USH2A: variants seen among roughly 807,000 people sequenced by gnomAD.
USH2A encodes the protein Usher syndrome 2A (autosomal recessive, mild).
USH2A carries 443 observed loss-of-function variants against 538.9 expected under a neutral mutation model. The ratio of observed to expected loss-of-function variants is 0.82; its 90% confidence interval spans 0.76 to 0.89. The LOEUF is 0.89. Ranked by LOEUF, USH2A falls within the 40% of genes least tolerant of loss-of-function variation. The pLI is 0.00. For missense variants in USH2A, 6,633 were observed against 6,324.8 expected, an observed-to-expected ratio of 1.05 and a Z score of -1.65; for synonymous variants, 2,413 against 2,273.5, an observed-to-expected ratio of 1.06 and a Z score of -1.75.
intron 38 of USH2A, among the ~76,000 whole-genome samples, chr1:215,914,715 C>T (rs1388562641): frequency 1.3e-5 from 2 of 152,268 alleles, no homozygotes; most frequent in African/African-American, 2.4e-5. Context: ...AACTTCACCA[C>T]AATGGTGGCC....
chr1:215,648,543 T>C lies in USH2A; in HGVS notation c.14567A>G (p.Asn4856Ser), dbSNP rs139799843. 5.6e-5 allele frequency: 91 copies of C among 1,613,996 alleles called. No individual in the cohort carries two copies. Among genetic ancestry groups the C allele is most frequent in the Middle Eastern group, 1.6e-4 (1 of 6,084 alleles). ...GACCCATTACCTGTGAATGACACCA[T>C]TGGGGAACATGGGGGGACTCCACCG... Reference protein sequence around the residue: ...SFRWSPPMFPNGVIHSYELQF... With the variant: ...SFRWSPPMFPSGVIHSYELQF... The change falls in exon 66 of 72, where the codon AAT becomes AGT. Residue 4856 changes from asparagine to serine, a missense_variant. Asn to Ser is a conservative substitution (Grantham distance 46). Coordinates refer to ENST00000307340, the MANE Select transcript of USH2A (RefSeq NM_206933.4).
At chr1:216,415,451 A>G (rs1476359073) in intron 3 of USH2A, among the ~76,000 whole-genome samples, 2 of 151,734 alleles carry the variant, frequency 1.3e-5, no homozygotes, top group East Asian at 3.9e-4. Context: ...TTAAGACTAC[A>G]GAGTAGCATA....
chr1:215,754,319 C>T (rs921362496), intron 58 of USH2A, among the ~76,000 whole-genome samples: 10 of 152,114 alleles, frequency 6.6e-5, no homozygotes, highest in African/African-American at 2.4e-4. Context: ...ATTCCCTAGA[C>T]CTTACCCTTT....
intron 21 of USH2A, among the ~76,000 whole-genome samples, chr1:216,138,965 T>C (rs2033544125): frequency 1.3e-5 from 2 of 152,074 alleles, no homozygotes; most frequent in Admixed American, 1.3e-4. Flanking sequence ...TGTGTATATA[T>C]GGTTTTCCTC....
At chr1:216,319,557 A>T (rs960803898) in intron 9 of USH2A, among the ~76,000 whole-genome samples, 1 of 152,176 alleles carries the variant, frequency 6.6e-6, no homozygotes, top group South Asian at 2.1e-4. Context: ...TGAGGACTAG[A>T]TGTATATAAA....
At chr1:215,831,827 G>GA (rs919328455) in intron 47 of USH2A, among the ~76,000 whole-genome samples, 1 of 151,854 alleles carries the variant, frequency 6.6e-6, no homozygotes, top group Admixed American at 6.6e-5. Context: ...CACTGAAATG[G>GA]AAAATAGAAA....
At chr1:215,810,049 T>A (rs1321034096) in intron 49 of USH2A, among the ~76,000 whole-genome samples, 1 of 152,172 alleles carries the variant, frequency 6.6e-6, no homozygotes, top group Non-Finnish European at 1.5e-5. Context: ...AAACACTCTT[T>A]GATTATTTCA....
At chr1:216,186,475 C>T (rs535747640) in intron 20 of USH2A, among the ~76,000 whole-genome samples, 213 of 151,966 alleles carry the variant, frequency 1.4e-3, no homozygotes, top group Non-Finnish European at 2.4e-3. Context: ...AGTTCTTTTC[C>T]TAATTCTGAC....
At chr1:216,211,986 TC>T (rs1207674897) in intron 15 of USH2A, among the ~76,000 whole-genome samples, 2 of 152,162 alleles carry the variant, frequency 1.3e-5, no homozygotes, top group African/African-American at 4.8e-5. Flanking sequence ...AGTGATTTCA[TC>T]TAAAACTCTG....
intron 56 of USH2A, among the ~76,000 whole-genome samples, chr1:215,761,871 A>T (rs928425511): frequency 5.3e-5 from 8 of 152,174 alleles, no homozygotes; most frequent in African/African-American, 2.4e-5. Context: ...GATTAAAAAA[A>T]ACTCATTTCA....
chr1:216,405,866 C>G (rs2039387748), intron 3 of USH2A, among the ~76,000 whole-genome samples: 1 of 152,104 alleles, frequency 6.6e-6, no homozygotes, highest in Non-Finnish European at 1.5e-5. Context: ...CTATCAATGC[C>G]CTTAACAACT....
At chr1:216,142,671 T>C (rs1009511195) in intron 21 of USH2A, among the ~76,000 whole-genome samples, 1 of 152,204 alleles carries the variant, frequency 6.6e-6, no homozygotes, top group Non-Finnish European at 1.5e-5. Context: ...TAAAACAATA[T>C]ATGTGAAAGT....
chr1:215,826,178 G>A (rs376880913), intron 47 of USH2A, among the ~76,000 whole-genome samples: 16 of 152,312 alleles, frequency 1.1e-4, no homozygotes, highest in African/African-American at 3.8e-4. Flanking sequence ...AGATGGCTAG[G>A]TTTGAGCTAA....
intron 61 of USH2A, among the ~76,000 whole-genome samples, chr1:215,709,186 T>A (rs1659266107): frequency 6.6e-6 from 1 of 152,212 alleles, no homozygotes; most frequent in Non-Finnish European, 1.5e-5. Context: ...TAATGATTAA[T>A]CTTTCAGTGT....
At chr1:215,640,035 C>A (rs1022085825) in intron 68 of USH2A, among the ~76,000 whole-genome samples, 1 of 152,030 alleles carries the variant, frequency 6.6e-6, no homozygotes, top group Non-Finnish European at 1.5e-5. Flanking sequence ...AGAAAAGGGA[C>A]ATGTAAGTAA....
intron 61 of USH2A, among the ~76,000 whole-genome samples, chr1:215,696,957 T>G (rs1658830506): frequency 6.6e-6 from 1 of 151,584 alleles, no homozygotes; most frequent in African/African-American, 2.4e-5. Context: ...TTTTTTTTTG[T>G]TTGTTTGTTT....
At chr1:215,819,789 C>T (rs1259512905) in intron 47 of USH2A, among the ~76,000 whole-genome samples, 1 of 151,710 alleles carries the variant, frequency 6.6e-6, no homozygotes, top group Non-Finnish European at 1.5e-5. Flanking sequence ...TCGGCAAGAA[C>T]ATGAACAGTT....
intron 23 of USH2A, 78 bp from the exon 24 acceptor site, chr1:216,086,898 C>T (rs56170645): frequency 3.8e-4 from 439 of 1,149,698 alleles, no homozygotes; most frequent in Non-Finnish European, 3.7e-4. Context: ...TAAAATCCTT[C>T]ACCAGCCTTT....
chr1:215,797,483 A>G (rs1662179133), intron 50 of USH2A, among the ~76,000 whole-genome samples: 1 of 152,108 alleles, frequency 6.6e-6, no homozygotes, highest in South Asian at 2.1e-4. Context: ...CAAAGTTTCA[A>G]AGGACAGGTT....
Sources: gnomAD v4.1 joint callset for allele counts (sites outside exome capture counted in the v4.1 genomes callset) on GRCh38, gnomAD v4.1.1 for gene constraint, MANE v1.5 for transcripts, NCBI Gene and HGNC (gene_info 2026-07-23, HGNC 2026-07-21) for gene names.